L2HGDH: variants seen among roughly 807,000 people sequenced by gnomAD.
L2HGDH encodes the protein L-2-hydroxyglutarate dehydrogenase, also known as L-2-hydroxyglutarate dehydrogenase, mitochondrial.
A neutral mutation model predicts 51.5 loss-of-function variants in L2HGDH; 34 were observed. The ratio of observed to expected loss-of-function variants is 0.66; its 90% CI spans 0.50 to 0.88. L2HGDH has a LOEUF of 0.88. Ranked by LOEUF, L2HGDH falls within the 40% of genes least tolerant of loss-of-function variation. The pLI is 0.00. For synonymous variants in L2HGDH, 198 were observed against 197.9 expected, an observed-to-expected ratio of 1.00 and a Z score of -0.01; for missense variants, 558 against 571.9, an observed-to-expected ratio of 0.98 and a Z score of 0.25.
At chr14:50,252,622 AT>A (rs1888430410) in intron 9 of L2HGDH, among the ~76,000 whole-genome samples, 2 of 152,098 alleles carry the variant, frequency 1.3e-5, no homozygotes, top group South Asian at 4.1e-4. Flanking sequence ...AAGAGCAGGA[AT>A]AGCTAGAATA....
rs1468860714 is a variant in L2HGDH at position 50,244,895 on chromosome 14, A to G, written c.*2163T>C. The G allele has an allele frequency of 1.0e-6, 1 of 985,386 alleles. No homozygotes were observed. Among genetic ancestry groups the G allele is most frequent in the African/African-American group, 1.7e-5 (1 of 57,256 alleles). The allele number at this position is 985,386 out of a possible 1,614,324, so 61.0% of individuals were successfully genotyped here. A position where few individuals can be genotyped will look rare whatever the true frequency, so the allele number is the denominator to read the frequency against. On this transcript the variant is annotated 3_prime_UTR_variant, in exon 10 of 10. Transcript: ENST00000267436. ...GATGAATCCTGAGAGAGCAAATCAG[A>G]GAGAATGGATGAAAATGCCTCACCT...
chr14:50,262,975 G>T (rs1313035097), intron 9 of L2HGDH, among the ~76,000 whole-genome samples: 2 of 152,098 alleles, frequency 1.3e-5, no homozygotes, highest in African/African-American at 2.4e-5. Context: ...CAATGAAATT[G>T]GTAACAGAAA....
intron 7 of L2HGDH, 85 bp from the exon 8 acceptor site, chr14:50,267,995 A>G (rs907947846): frequency 7.9e-7 from 1 of 1,268,396 alleles, no homozygotes; most frequent in Admixed American, 1.7e-5. Context: ...AACATAAAAC[A>G]CTTTCTTCTC....
At chr14:50,276,063 G>C (rs1329586169) in intron 6 of L2HGDH, among the ~76,000 whole-genome samples, 1 of 152,196 alleles carries the variant, frequency 6.6e-6, no homozygotes, top group African/African-American at 2.4e-5. Flanking sequence ...AAAATGAGTT[G>C]CTACCACAAC....
At position 50,269,330 on chromosome 14, in the gene L2HGDH, C is replaced by A; in HGVS notation, c.739G>T (p.Gly247Ter). 6.2e-7 allele frequency: 1 copy of A among 1,613,780 alleles called. No individual in the cohort carries two copies. ...QYPIVIKNTK[G>*]EEIRCQYVVT... is the part of the protein sequence containing the mutation. ...ACATACTGACATCGAATTTCCTCTCCCTAGTGCAAAATAAAAGAACAGTTA... is the reference window on the plus strand; with the variant it reads ...ACATACTGACATCGAATTTCCTCTCACTAGTGCAAAATAAAAGAACAGTTA... The change falls in exon 7 of 10, where the codon GGA (glycine) becomes TGA (stop). Residue 247 changes from glycine to a stop codon, truncating the protein, a stop_gained and splice_region_variant. Transcript: ENST00000267436. LOFTEE classifies it high-confidence loss of function.
intron 6 of L2HGDH, among the ~76,000 whole-genome samples, chr14:50,271,400 T>C (rs1004406389): frequency 6.6e-6 from 1 of 152,198 alleles, no homozygotes; most frequent in Non-Finnish European, 1.5e-5. Context: ...AAGCAACAGT[T>C]CCCAAGAAAG....
chr14:50,302,201 T>C (rs749115948), intron 2 of L2HGDH, 33 bp from the exon 3 acceptor site: 4 of 1,608,606 alleles, frequency 2.5e-6, no homozygotes, highest in Non-Finnish European at 3.4e-6. Flanking sequence ...TAAGAGTAAG[T>C]ACATGATTCA....
Position 50,247,129 on chromosome 14 carries a change from G to A in L2HGDH, c.1321C>T (p.Pro441Ser). Residue 441 changes from proline (P) to serine (S), a missense_variant, in exon 10 of 10, where the codon CCT becomes TCT. Transcript: ENST00000267436. The part of the protein sequence containing the change: ...RILHVRNAPS[P>S]AATSSIAISG... Reference sequence around the variant, plus strand: ...ATTGCAATGGAAGAAGTAGCAGCAGGAGAAGGTGCATTTCTCACATGAAGA... The same window carrying A: ...ATTGCAATGGAAGAAGTAGCAGCAGAAGAAGGTGCATTTCTCACATGAAGA... The A allele has an allele frequency of 6.2e-7, 1 of 1,614,036 alleles. No homozygotes were observed. The highest frequency in any genetic ancestry group is 8.5e-7 in the Non-Finnish European group (1 of 1,179,964).
chr14:50,258,651 C>T (rs1409121533), intron 9 of L2HGDH, among the ~76,000 whole-genome samples: 1 of 151,830 alleles, frequency 6.6e-6, no homozygotes, highest in East Asian at 1.9e-4. Flanking sequence ...GTAGGTGGGA[C>T]TACAGGAACA....
At chr14:50,286,129 C>A (rs1890549178) in intron 4 of L2HGDH, among the ~76,000 whole-genome samples, 1 of 151,986 alleles carries the variant, frequency 6.6e-6, no homozygotes, top group South Asian at 2.1e-4. Context: ...CAGAACCAGG[C>A]AAGAACCAGA....
chr14:50,262,465 A>G (rs554157384), intron 9 of L2HGDH, among the ~76,000 whole-genome samples: 16 of 149,204 alleles, frequency 1.1e-4, no homozygotes, highest in African/African-American at 3.5e-4. Context: ...TCTTATTTTT[A>G]TTATTTAATA....
At chr14:50,270,482 G>A (rs1239009805) in intron 6 of L2HGDH, among the ~76,000 whole-genome samples, 1 of 141,242 alleles carries the variant, frequency 7.1e-6, no homozygotes, top group Non-Finnish European at 1.6e-5. Context: ...TTCTTTCCAG[G>A]CCTTACTGTT....
chr14:50,267,556 AT>A lies in L2HGDH; in HGVS notation c.1064+196del, dbSNP rs112225106. 0.021 allele frequency among the ~76,000 whole-genome samples: 3,124 copies of A among 150,124 alleles called. 57 individuals carry two copies. Among genetic ancestry groups the A allele is most frequent in the South Asian group, 0.048 (226 of 4,744 alleles). ...AAATGTTATACTTATTCCAAAAGGC[AT>A]TTTTTTTTTTGTTTGTTTGTTTGTT... On this transcript the variant is annotated intron_variant, in intron 8 of 9. Coordinates refer to ENST00000267436, the MANE Select transcript of L2HGDH (RefSeq NM_024884.3).
chr14:50,256,027 A>C (rs1888648803), intron 9 of L2HGDH, among the ~76,000 whole-genome samples: 1 of 152,116 alleles, frequency 6.6e-6, no homozygotes, highest in Non-Finnish European at 1.5e-5. Context: ...AAATATGTCC[A>C]GAAACAAGAA....
At chr14:50,311,251 T>C (rs1247404315) in intron 1 of L2HGDH, 2 of 436,814 alleles carry the variant, frequency 4.6e-6, no homozygotes, top group East Asian at 7.0e-5. Context: ...CCGTGGCTCT[T>C]AGAATAAAAG....
chr14:50,257,174 C>A (rs962346513), intron 9 of L2HGDH, among the ~76,000 whole-genome samples: 1 of 152,112 alleles, frequency 6.6e-6, no homozygotes, highest in Admixed American at 6.6e-5. Flanking sequence ...GGTAATCCAC[C>A]CTCCATGGCC....
At chr14:50,282,409 T>C in intron 5 of L2HGDH, 1 of 455,564 alleles carries the variant, frequency 2.2e-6, no homozygotes, top group South Asian at 1.6e-5. Context: ...TCCTTCATTC[T>C]AACCACCAAT....
intron 9 of L2HGDH, among the ~76,000 whole-genome samples, chr14:50,254,019 GCTGCGAAAGGTAGTGT>G (rs1888512401): frequency 6.6e-6 from 1 of 152,056 alleles, no homozygotes; most frequent in South Asian, 2.1e-4. Flanking sequence ...GTAACCAGAG[GCTGCGAAAGGTAGTGT>G]GGAGTGGGGA....
At chr14:50,288,623 G>T (rs1595122673) in intron 4 of L2HGDH, among the ~76,000 whole-genome samples, 2 of 152,156 alleles carry the variant, frequency 1.3e-5, no homozygotes, top group Non-Finnish European at 2.9e-5. Flanking sequence ...TAGAGATGGG[G>T]TTTCACCATA....
Sources: gnomAD v4.1 joint callset for allele counts (sites outside exome capture counted in the v4.1 genomes callset) on GRCh38, gnomAD v4.1.1 for gene constraint, MANE v1.5 for transcripts, NCBI Gene and HGNC (gene_info 2026-07-23, HGNC 2026-07-21) for gene names.